Variants in NTRK3 observed in about 807,000 individuals in gnomAD.
NTRK3 encodes the protein NT-3 growth factor receptor.
NTRK3 carries 24 observed loss-of-function variants against 91.7 expected under a neutral mutation model. That is an observed-to-expected ratio of 0.26 (90% confidence interval 0.19 to 0.37). The LOEUF (loss-of-function observed/expected upper bound fraction) is 0.37, where lower values mean the gene tolerates loss of function less well. NTRK3 is among the 10% of genes least tolerant of loss of function. NTRK3 has a pLI of 1.00. For missense variants in NTRK3, 880 were observed against 1,068.9 expected, an observed-to-expected ratio of 0.82 and a Z score of 2.46; for synonymous variants, 483 against 404.0, an observed-to-expected ratio of 1.20 and a Z score of -2.34.
intron 13 of NTRK3, among the ~76,000 whole-genome samples, chr15:88,096,163 C>A (rs964604723): frequency 6.6e-6 from 1 of 152,136 alleles, no homozygotes; most frequent in Admixed American, 6.5e-5. Flanking sequence ...TCATGCTGTT[C>A]TCCGAGATGC....
At chr15:88,249,149 A>G (rs1210946953) in intron 3 of NTRK3, among the ~76,000 whole-genome samples, 1 of 152,092 alleles carries the variant, frequency 6.6e-6, no homozygotes, top group Non-Finnish European at 1.5e-5. Context: ...GACACTTATG[A>G]TGGGACAAGC....
At chr15:87,931,090 C>G in intron 16 of NTRK3, 1 of 375,304 alleles carries the variant, frequency 2.7e-6, no homozygotes, top group South Asian at 2.0e-5. Context: ...CTGCTTCTTC[C>G]ACTCCTTATC....
intron 14 of NTRK3, among the ~76,000 whole-genome samples, chr15:88,012,047 T>A (rs2076918158): frequency 6.6e-6 from 1 of 152,110 alleles, no homozygotes; most frequent in South Asian, 2.1e-4. Flanking sequence ...CAGCAGCAAG[T>A]CTAGGCTCCA....
At chr15:88,109,020 G>C (rs1034691999) in intron 13 of NTRK3, among the ~76,000 whole-genome samples, 4 of 152,190 alleles carry the variant, frequency 2.6e-5, no homozygotes, top group Non-Finnish European at 4.4e-5. Context: ...ACCCAACAGA[G>C]TGCCTGGAAA....
intron 3 of NTRK3, among the ~76,000 whole-genome samples, chr15:88,250,292 A>C (rs1475968937): frequency 6.6e-6 from 1 of 152,240 alleles, no homozygotes; most frequent in Non-Finnish European, 1.5e-5. Flanking sequence ...GTGAGCTATG[A>C]CAACATGACC....
intron 13 of NTRK3, among the ~76,000 whole-genome samples, chr15:88,111,816 G>T (rs2051391325): frequency 6.6e-6 from 1 of 152,140 alleles, no homozygotes; most frequent in Admixed American, 6.5e-5. Context: ...AATATGGATG[G>T]TAACAATGAT....
In NTRK3 at chr15:87,993,283, G is replaced by A. The variant is rs529467011; in HGVS notation, c.1585+39574C>T. 7.2e-5 allele frequency among the ~76,000 whole-genome samples: 11 copies of A among 152,250 alleles called. No homozygotes were observed. The South Asian group carries it at 2.3e-3, about 32-fold the overall frequency. ...TCAGTAAAGTCCACATTCCAGGGTG[G>A]TATCAATTTTAAGCAGATTATCTAA... is the stretch of plus-strand genomic sequence containing the variant. On this transcript the variant is annotated intron_variant, in intron 14 of 18. Transcript: ENST00000394480.
rs571276793 is a variant in NTRK3 at position 87,875,721 on chromosome 15, C to G, written c.*1214G>C. 11 of 233,156 alleles carry G rather than the reference C, an allele frequency of 4.7e-5. No individual in the cohort carries two copies. In the East Asian group the frequency reaches 6.0e-4, roughly 13 times the overall value. The allele number at this position is 233,156 out of a possible 1,614,324, so 14.4% of individuals were successfully genotyped here. On this transcript the variant is annotated 3_prime_UTR_variant, in exon 19 of 19. Coordinates refer to ENST00000394480, the Ensembl canonical transcript of NTRK3. ...CCCCTGCTGGCTCTCACCCACTCCA[C>G]TGCTTGCTTTCCTGAAACACTCACT... is the stretch of plus-strand genomic sequence containing the variant.
At chr15:88,098,801 A>T (rs905216656) in intron 13 of NTRK3, 1 of 233,074 alleles carries the variant, frequency 4.3e-6, no homozygotes, top group Non-Finnish European at 8.5e-6. Context: ...TGTGAAAGAC[A>T]GGCATTCATC....
chr15:88,136,324 G>C, intron 8 of NTRK3, 143 bp downstream of exon 8: 2 of 1,135,062 alleles, frequency 1.8e-6, no homozygotes, highest in Admixed American at 1.9e-5. Context: ...GAGCGAAATG[G>C]CTAGAAAATA....
intron 18 of NTRK3, among the ~76,000 whole-genome samples, chr15:87,879,565 A>T (rs986510189): frequency 8.5e-5 from 13 of 152,174 alleles, no homozygotes; most frequent in Non-Finnish European, 1.3e-4. Context: ...CTTTAACCTG[A>T]ATCTCAACAG....
At chr15:87,973,331 C>A (rs1195062602) in intron 14 of NTRK3, among the ~76,000 whole-genome samples, 1 of 152,148 alleles carries the variant, frequency 6.6e-6, no homozygotes, top group Non-Finnish European at 1.5e-5. Flanking sequence ...GAAACTGGAA[C>A]AAAAGTCCTA....
chr15:88,056,611 A>G (rs2045715387), intron 13 of NTRK3, among the ~76,000 whole-genome samples: 1 of 152,232 alleles, frequency 6.6e-6, no homozygotes, highest in Non-Finnish European at 1.5e-5. Context: ...TATGACAAAA[A>G]GACTGCATTT....
At chr15:88,039,716 A>G (rs1306233983) in intron 13 of NTRK3, among the ~76,000 whole-genome samples, 2 of 152,214 alleles carry the variant, frequency 1.3e-5, no homozygotes, top group African/African-American at 2.4e-5. Context: ...GGCCGTTTTT[A>G]TACTTTCTGC....
At chr15:88,029,633 CT>C (rs2078353366) in intron 14 of NTRK3, among the ~76,000 whole-genome samples, 1 of 152,214 alleles carries the variant, frequency 6.6e-6, no homozygotes, top group African/African-American at 2.4e-5. Flanking sequence ...AGGAGACCCC[CT>C]GGGGGATTCA....
chr15:88,003,004 A>G (rs1468763365), intron 14 of NTRK3, among the ~76,000 whole-genome samples: 1 of 152,250 alleles, frequency 6.6e-6, no homozygotes, highest in Admixed American at 6.5e-5. Context: ...AATCTATCAA[A>G]GGCAGCGTGC....
intron 15 of NTRK3, among the ~76,000 whole-genome samples, chr15:87,939,644 G>C (rs910731242): frequency 1.3e-5 from 2 of 152,162 alleles, no homozygotes; most frequent in Non-Finnish European, 2.9e-5. Context: ...AGGTCTGGGT[G>C]AATGTCTTCA....
intron 14 of NTRK3, among the ~76,000 whole-genome samples, chr15:87,963,385 G>C (rs1194813070): frequency 6.6e-6 from 1 of 152,188 alleles, no homozygotes; most frequent in Non-Finnish European, 1.5e-5. Flanking sequence ...GCATGACACA[G>C]TCATTAAAAG....
At chr15:87,904,299 T>C (rs367793811) in intron 17 of NTRK3, among the ~76,000 whole-genome samples, 1 of 151,956 alleles carries the variant, frequency 6.6e-6, no homozygotes, top group African/African-American at 2.4e-5. Context: ...TACAGGCACA[T>C]GCCACCACGC....
Sources: allele counts gnomAD v4.1 joint callset (sites outside exome capture counted in the v4.1 genomes callset), GRCh38; gene constraint gnomAD v4.1.1; transcripts MANE v1.5; gene names NCBI Gene and HGNC (gene_info 2026-07-23, HGNC 2026-07-21).